The following MLH3 variants were observed in gnomAD, a reference collection of about 807,000 sequenced individuals.
The protein encoded by MLH3 is DNA mismatch repair protein Mlh3.
Under a neutral mutation model 122.2 loss-of-function variants are expected in MLH3, and 82 were observed. That is an observed-to-expected ratio of 0.67 (90% CI 0.56 to 0.81). The LOEUF (loss-of-function observed/expected upper bound fraction) is 0.81, where lower values mean the gene tolerates loss of function less well. Ranked by LOEUF, MLH3 falls within the 30% of genes least tolerant of loss-of-function variation. The probability of loss-of-function intolerance (pLI) is 0.00; values close to 1 mark genes in which losing one functional copy is unlikely to be tolerated. For synonymous variants in MLH3, 524 were observed against 599.5 expected, an observed-to-expected ratio of 0.87 and a Z score of 1.84; for missense variants, 1,539 against 1,714.5, an observed-to-expected ratio of 0.90 and a Z score of 1.81.
chr14:75,022,888 A>G lies in MLH3; in HGVS notation c.4016T>C (p.Leu1339Pro), dbSNP rs776703991. The G allele has an allele frequency of 2.5e-6, 4 of 1,614,110 alleles. No homozygotes were observed. Among genetic ancestry groups the G allele is most frequent in the South Asian group, 2.2e-5 (2 of 91,072 alleles). ...CCCTTGGATGCCTCCGGTGGTCTGG[A>G]GTAGCTAATGCATAAACACGTTATT... ...EEFIREQLEL[L>P]QTTGGIQGTL... The change falls in exon 11 of 13, where the codon CTC becomes CCC. Residue 1339 changes from leucine to proline, a missense_variant. Physicochemically the swap from Leu to Pro is moderately conservative, Grantham distance 98. Transcript: ENST00000355774.
chr14:75,033,619 C>T (rs1891197569), intron 6 of MLH3, 129 bp from the exon 7 acceptor site: 2 of 716,890 alleles, frequency 2.8e-6, no homozygotes, highest in Admixed American at 2.1e-5. Context: ...TGAGGAGTAA[C>T]AATTGTATCT....
In MLH3 at chr14:75,047,211, A is replaced by T; in HGVS notation, c.2445T>A (p.Asp815Glu). 12 of 1,614,138 alleles carry T rather than the reference A, an allele frequency of 7.4e-6. No homozygotes were observed. The highest frequency in any genetic ancestry group is 1.0e-5 in the Non-Finnish European group (12 of 1,180,022). ...KITTMEHSDS[D>E]SSCQPASHIL... ...TGTGGCTTGCTGGTTGACAACTACT[A>T]TCTGAATCACTATGCTCCATAGTAG... Residue 815 changes from aspartate to glutamate, a missense_variant, in exon 2 of 13, where the codon GAT becomes GAA. Asp to Glu is a conservative substitution (Grantham distance 45, BLOSUM62 2). Transcript: ENST00000355774.
chr14:75,018,917 G>A lies in MLH3; in HGVS notation c.4154C>T (p.Ser1385Phe). The change falls in exon 12 of 13, where the codon TCC (serine) becomes TTC (phenylalanine). Residue 1385 changes from serine to phenylalanine, a missense_variant. Coordinates refer to ENST00000355774, the MANE Select transcript of MLH3 (RefSeq NM_001040108.2). ...QESCRLIEAL[S>F]SCQLPFQCAH... The stretch of plus-strand genomic sequence containing the variant: ...ACACTGGAATGGCAGCTGGCATGAG[G>A]ACAGAGCTTCAATAAGGCGGCAACT... The A allele has an allele frequency of 6.2e-7, 1 of 1,614,184 alleles. No individual in the cohort carries two copies. The highest frequency in any genetic ancestry group is 8.5e-7 in the Non-Finnish European group (1 of 1,180,044).
chr14:75,017,909 G>T (rs1038629883), intron 12 of MLH3, among the ~76,000 whole-genome samples: 7 of 152,184 alleles, frequency 4.6e-5, no homozygotes, highest in African/African-American at 1.7e-4. Flanking sequence ...ACTTTGGGAG[G>T]CCAAGGTGGA....
At chr14:75,025,682 C>T (rs1347686544) in intron 9 of MLH3, among the ~76,000 whole-genome samples, 1 of 152,142 alleles carries the variant, frequency 6.6e-6, no homozygotes, top group Non-Finnish European at 1.5e-5. Flanking sequence ...TATATATATA[C>T]TGTTAACTCT....
rs188776582 is a variant in MLH3 at position 75,019,217 on chromosome 14, C to G, written c.4091-237G>C. On this transcript the variant is annotated intron_variant, in intron 11 of 12. Coordinates refer to ENST00000355774, the MANE Select transcript of MLH3 (RefSeq NM_001040108.2). ...ATGAGGTCAGGAGTTCAAGACCAGC[C>G]TGGCCAATATGGTGAAATCCCGCCT... is the stretch of plus-strand genomic sequence containing the variant. 248 of 468,332 alleles carry G rather than the reference C, an allele frequency of 5.3e-4. 1 individual carries two copies. The highest frequency in any genetic ancestry group is 4.4e-3 in the African/African-American group (221 of 50,646). 29.0% of individuals were successfully genotyped at this position (468,332 alleles called of 1,614,324 possible).
chr14:75,046,759 G>A lies in MLH3; in HGVS notation c.2897C>T (p.Ser966Leu), dbSNP rs762868700. 1.9e-6 allele frequency: 3 copies of A among 1,614,132 alleles called. No homozygotes were observed. The highest frequency in any genetic ancestry group is 1.6e-4 in the Middle Eastern group (1 of 6,062). ...NSNTTENCVI[S>L]ETPLVLPYNN... ...ATAGGGCAATACCAAAGGAGTTTCTGATATCACACAGTTCTCTGTTGTATT... is the reference window on the plus strand; with the variant it reads ...ATAGGGCAATACCAAAGGAGTTTCTAATATCACACAGTTCTCTGTTGTATT... Residue 966 changes from serine (S) to leucine (L), a missense_variant, in exon 2 of 13, where the codon TCA becomes TTA. Ser to Leu is a moderately radical substitution (Grantham distance 145). Coordinates refer to ENST00000355774, the MANE Select transcript of MLH3 (RefSeq NM_001040108.2).
chr14:75,036,283 TG>T (rs1164281430), intron 6 of MLH3, among the ~76,000 whole-genome samples: 1 of 152,176 alleles, frequency 6.6e-6, no homozygotes, highest in African/African-American at 2.4e-5. Context: ...GGCTCAAATT[TG>T]TATCTCCATG....
intron 11 of MLH3, 46 bp downstream of exon 11, chr14:75,022,768 C>A (rs1862136698): frequency 1.3e-6 from 2 of 1,551,990 alleles, no homozygotes; most frequent in South Asian, 2.2e-5. Context: ...CCTGCCAGGG[C>A]TCTGCATGCA....
At chr14:75,044,973 T>C (rs1474640332) in intron 2 of MLH3, among the ~76,000 whole-genome samples, 1 of 152,224 alleles carries the variant, frequency 6.6e-6, no homozygotes, top group Non-Finnish European at 1.5e-5. Flanking sequence ...AATATCACTT[T>C]AAATGTGGAC....
intron 5 of MLH3, among the ~76,000 whole-genome samples, chr14:75,039,352 C>T (rs1288429155): frequency 6.6e-6 from 1 of 152,096 alleles, no homozygotes; most frequent in African/African-American, 2.4e-5. Context: ...ATTTGTTAGC[C>T]TCCTAATTTG....
At position 75,049,371 on chromosome 14, in the gene MLH3, C is replaced by T. The variant is rs369067732; in HGVS notation, c.285G>A (p.Glu95=). 1.9e-6 allele frequency: 3 copies of T among 1,613,926 alleles called. No individual in the cohort carries two copies. Among genetic ancestry groups the T allele is most frequent in the African/African-American group, 1.3e-5 (1 of 74,928 alleles). The change falls in exon 2 of 13, where the codon GAG becomes GAA. Residue 95 remains glutamate, a synonymous_variant. Transcript: ENST00000355774. ...CCATGTCAGCAATATTTGCCAAGGC[C>T]TCTCCTCGGAAACCATAAAACCTTG... ...ENPRFYGFRG[E]ALANIADMAS...
chr14:75,019,005 G>A (rs2139298380), intron 11 of MLH3, 25 bp from the exon 12 acceptor site: 1 of 1,611,542 alleles, frequency 6.2e-7, no homozygotes, highest in South Asian at 1.1e-5. Context: ...GAAACAAGAA[G>A]GTTATAGTGT....
chr14:75,043,883 A>G (rs175078), intron 2 of MLH3, among the ~76,000 whole-genome samples: 76,064 of 151,862 alleles, frequency 0.5, 19,606 homozygotes, highest in Middle Eastern at 0.57. Flanking sequence ...TGAGGTTGGG[A>G]GTTTGAGACC....
chr14:75,019,997 A>G (rs1421880751), intron 11 of MLH3, among the ~76,000 whole-genome samples: 1 of 152,196 alleles, frequency 6.6e-6, no homozygotes, highest in Non-Finnish European at 1.5e-5. Flanking sequence ...GACCAAACCC[A>G]GTTTAGGAGC....
intron 7 of MLH3, among the ~76,000 whole-genome samples, 168 bp from the exon 8 acceptor site, chr14:75,032,347 G>T (rs1234969426): frequency 6.6e-6 from 1 of 152,150 alleles, no homozygotes; most frequent in African/African-American, 2.4e-5. Flanking sequence ...TAAATATTCA[G>T]CCTATTAACA....
Position 75,044,588 on chromosome 14 carries a change from A to C in MLH3, c.3280+1788T>G, listed in dbSNP as rs28756999. 2.5e-3 allele frequency among the ~76,000 whole-genome samples: 379 copies of C among 152,360 alleles called. 2 individuals carry two copies. Among genetic ancestry groups the C allele is most frequent in the Non-Finnish European group, 4.3e-3 (291 of 68,026 alleles). ...AGCACATAAAGTGGCTTTAAGAGCA[A>C]CTTGATAGTCTCAGGAACAACAGTG... On this transcript the variant is annotated intron_variant, in intron 2 of 12. Transcript: ENST00000355774.
chr14:75,027,356 T>C (rs1890697196), intron 9 of MLH3, among the ~76,000 whole-genome samples: 1 of 150,236 alleles, frequency 6.7e-6, no homozygotes, highest in Non-Finnish European at 1.5e-5. Flanking sequence ...GCCTCCCGGG[T>C]TCAAGTGATT....
intron 6 of MLH3, among the ~76,000 whole-genome samples, chr14:75,036,105 C>T (rs1022764446): frequency 4.6e-5 from 7 of 152,188 alleles, no homozygotes; most frequent in African/African-American, 1.2e-4. Context: ...CTGTTTTCTT[C>T]CTATTTCTCT....
Sources: allele counts gnomAD v4.1 joint callset (sites outside exome capture counted in the v4.1 genomes callset), GRCh38; gene constraint gnomAD v4.1.1; transcripts MANE v1.5; gene names NCBI Gene and HGNC (gene_info 2026-07-23, HGNC 2026-07-21).